Variants in CAST observed in about 807,000 individuals in gnomAD.
The protein encoded by CAST is calpastatin, also known as MIR583 host.
A neutral mutation model predicts 119.6 loss-of-function variants in CAST; 76 were observed. That is an observed-to-expected ratio of 0.64 (90% confidence interval 0.53 to 0.77). CAST has a LOEUF of 0.77. Ranked by LOEUF, CAST falls within the 30% of genes least tolerant of loss-of-function variation. The pLI, the probability that CAST is intolerant of heterozygous loss-of-function variation, is 0.00. For missense variants in CAST, 953 were observed against 946.5 expected, an observed-to-expected ratio of 1.01 and a Z score of -0.09; for synonymous variants, 319 against 331.6, an observed-to-expected ratio of 0.96 and a Z score of 0.41.
chr5:96,415,065 T>C, the CAST span, among the ~76,000 whole-genome samples: 1 of 152,222 alleles, frequency 6.6e-6, no homozygotes, highest in Non-Finnish European at 1.5e-5. Flanking sequence ...AAAACCAAAC[T>C]AAACTTGAAG....
chr5:96,233,958 T>A, the CAST span, among the ~76,000 whole-genome samples: 1 of 152,092 alleles, frequency 6.6e-6, no homozygotes, highest in Admixed American at 6.6e-5. Flanking sequence ...CAAAAAAAAA[T>A]TATTTTTTAA....
At chr5:96,285,766 T>C in the CAST span, among the ~76,000 whole-genome samples, 2 of 152,332 alleles carry the variant, frequency 1.3e-5, no homozygotes, top group East Asian at 3.9e-4. Context: ...CTCAGTGCTT[T>C]GTTTTGTTCC....
intron 4 of CAST, among the ~76,000 whole-genome samples, chr5:96,726,533 A>G (rs577344149): frequency 6.6e-6 from 1 of 152,330 alleles, no homozygotes; most frequent in Non-Finnish European, 1.5e-5. Context: ...AGGGAAAGGA[A>G]AGGAATGAGA....
At chr5:96,491,330 C>A in the CAST span, among the ~76,000 whole-genome samples, 3 of 144,784 alleles carry the variant, frequency 2.1e-5, no homozygotes, top group Non-Finnish European at 3.0e-5. Flanking sequence ...CTAAAAAATA[C>A]AAAAAAAAAA....
the CAST span, among the ~76,000 whole-genome samples, chr5:95,990,339 T>G: frequency 6.6e-6 from 1 of 152,008 alleles, no homozygotes; most frequent in Non-Finnish European, 1.5e-5. Flanking sequence ...TATAGGGAGT[T>G]TAAACAATTT....
Position 96,573,182 on chromosome 5 carries a change from G to A in CAST, c.60+43302G>A, listed in dbSNP as rs79799556. ...GTGCACTGGGTTTGATGACTCAACTGGGTAAGGGCCAGATGGTTTTCTAAT... is the reference window on the plus strand; with the variant it reads ...GTGCACTGGGTTTGATGACTCAACTAGGTAAGGGCCAGATGGTTTTCTAAT... On this transcript the variant is annotated intron_variant, in intron 1 of 11. Transcript: ENST00000505143. Among the ~76,000 whole-genome samples the A allele has an allele frequency of 5.3e-5, 8 of 152,280 alleles. No homozygotes were observed. The East Asian group carries it at 1.5e-3, about 29-fold the overall frequency.
chr5:96,589,165 C>G (rs566563460), intron 1 of CAST, among the ~76,000 whole-genome samples: 1 of 152,254 alleles, frequency 6.6e-6, no homozygotes, highest in South Asian at 2.1e-4. Flanking sequence ...ATGTCAAACT[C>G]ATTCCCCACT....
chr5:96,152,851 G>A, the CAST span, among the ~76,000 whole-genome samples: 31 of 152,302 alleles, frequency 2.0e-4, no homozygotes, highest in South Asian at 3.9e-3. Context: ...AGTAACTTGC[G>A]CCATTAGAAC....
the CAST span, among the ~76,000 whole-genome samples, chr5:96,282,086 G>A: frequency 7.4e-3 from 1,129 of 151,898 alleles, 14 homozygotes; most frequent in African/African-American, 0.026. Flanking sequence ...TCACCCCCGT[G>A]GTGGTGATGA....
chr5:96,213,818 T>G, the CAST span: 1 of 151,940 alleles, frequency 6.6e-6, no homozygotes, highest in Non-Finnish European at 1.5e-5. Context: ...TATTAAAAGG[T>G]CAATCCCGTT....
chr5:96,134,568 G>T, the CAST span, among the ~76,000 whole-genome samples: 4 of 152,208 alleles, frequency 2.6e-5, no homozygotes, highest in Non-Finnish European at 5.9e-5. Context: ...CAATTTGTAG[G>T]AAGTCTGGTG....
chr5:96,112,182 A>C, the CAST span, among the ~76,000 whole-genome samples: 4 of 151,984 alleles, frequency 2.6e-5, no homozygotes, highest in Admixed American at 6.6e-5. Flanking sequence ...TAATATGTTA[A>C]TATATTCTCA....
the CAST span, chr5:96,392,802 C>T: frequency 3.1e-6 from 2 of 637,310 alleles, no homozygotes; most frequent in East Asian, 5.3e-5. Context: ...TTTGAAATAC[C>T]TATGATCAAT....
At chr5:96,674,664 C>A (rs1750484914) in intron 1 of CAST, among the ~76,000 whole-genome samples, 1 of 152,138 alleles carries the variant, frequency 6.6e-6, no homozygotes, top group African/African-American at 2.4e-5. Context: ...TTTTATACCC[C>A]ACGTAAAAAT....
At chr5:96,647,331 G>A (rs1748026470) in intron 1 of CAST, among the ~76,000 whole-genome samples, 1 of 152,200 alleles carries the variant, frequency 6.6e-6, no homozygotes, top group Non-Finnish European at 1.5e-5. Context: ...TTAACACCTA[G>A]TACAGTTCTG....
intron 1 of CAST, among the ~76,000 whole-genome samples, chr5:96,557,040 G>A (rs1203596253): frequency 6.6e-6 from 1 of 152,136 alleles, no homozygotes; most frequent in African/African-American, 2.4e-5. Context: ...CCAGAAGACA[G>A]TGGCAGCCAA....
At chr5:96,392,129 G>A in the CAST span, 1 of 151,234 alleles carries the variant, frequency 6.6e-6, no homozygotes, top group African/African-American at 2.4e-5. Context: ...TCCTGTTACT[G>A]CTGAAAAAAA....
At chr5:96,511,329 G>A in the CAST span, among the ~76,000 whole-genome samples, 4 of 152,058 alleles carry the variant, frequency 2.6e-5, no homozygotes, top group African/African-American at 7.2e-5. Context: ...ATTTTTAGTA[G>A]AGACGGGTTT....
At chr5:96,493,968 G>A in the CAST span, among the ~76,000 whole-genome samples, 1 of 152,196 alleles carries the variant, frequency 6.6e-6, no homozygotes, top group Non-Finnish European at 1.5e-5. Flanking sequence ...CTGGGAGGCA[G>A]AGGCTGCAGT....
Sources: gnomAD v4.1 joint callset for allele counts (sites outside exome capture counted in the v4.1 genomes callset) on GRCh38, gnomAD v4.1.1 for gene constraint, MANE v1.5 for transcripts, NCBI Gene and HGNC (gene_info 2026-07-23, HGNC 2026-07-21) for gene names.